Variants in RAB31 observed in about 807,000 individuals in gnomAD.
RAB31 encodes the protein RAB31, member RAS oncogene family.
In RAB31, 21 loss-of-function variants were observed where a neutral mutation model predicts 25.6. The observed-to-expected ratio is 0.82, with a 90% CI of 0.58 to 1.18. The LOEUF is 1.18. Among genes scored for constraint, RAB31 ranks in the 50% most tolerant of loss-of-function variants. The probability of loss-of-function intolerance (pLI) is 0.00; values close to 1 mark genes in which losing one functional copy is unlikely to be tolerated. For synonymous variants in RAB31, 87 were observed against 84.0 expected (o/e 1.04, Z -0.20); for missense variants, 196 against 250.1 (o/e 0.78, Z 1.46).
chr18:9,832,042 C>G (rs2068681093), intron 5 of RAB31, among the ~76,000 whole-genome samples: 1 of 152,220 alleles, frequency 6.6e-6, no homozygotes. Flanking sequence ...GGACAGAATC[C>G]TGGGACTAGT....
chr18:9,721,573 G>A (rs1252195733), intron 1 of RAB31, among the ~76,000 whole-genome samples: 1 of 151,180 alleles, frequency 6.6e-6, no homozygotes, highest in African/African-American at 2.4e-5. Context: ...CTGAGATTGC[G>A]CCACTGCACT....
At chr18:9,830,861 A>G (rs1185222021) in intron 5 of RAB31, among the ~76,000 whole-genome samples, 1 of 152,164 alleles carries the variant, frequency 6.6e-6, no homozygotes, top group African/African-American at 2.4e-5. Context: ...TCTTCAAATC[A>G]CTTGAAATGG....
In RAB31 at chr18:9,859,219, T is replaced by A; in HGVS notation, c.491-9T>A. The A allele has an allele frequency of 6.2e-7, 1 of 1,609,086 alleles. No individual in the cohort carries two copies. The highest frequency in any genetic ancestry group is 1.1e-5 in the South Asian group (1 of 90,944). ...AGGGAACTCACCCTTGGCCTCCTTTTTGTTGCAGGCCGCCAGATCCCACCC... is the reference window on the plus strand; with the variant it reads ...AGGGAACTCACCCTTGGCCTCCTTTATGTTGCAGGCCGCCAGATCCCACCC... On this transcript the variant is annotated splice_polypyrimidine_tract_variant and intron_variant, in intron 6 of 6. Coordinates refer to ENST00000578921, the MANE Select transcript of RAB31 (RefSeq NM_006868.4).
At chr18:9,764,394 G>A (rs1431931956) in intron 1 of RAB31, among the ~76,000 whole-genome samples, 5 of 152,228 alleles carry the variant, frequency 3.3e-5, no homozygotes, top group African/African-American at 1.2e-4. Context: ...CTGGAGAGAT[G>A]GTTTGGCTGG....
chr18:9,814,034 T>G lies in RAB31; in HGVS notation c.216T>G (p.Ala72=). The change falls in exon 4 of 7, where the codon GCT becomes GCG. Residue 72 remains alanine, a synonymous_variant. Coordinates refer to ENST00000578921, the MANE Select transcript of RAB31 (RefSeq NM_006868.4). The part of the protein sequence containing the change: ...TAGQERFHSL[A]PMYYRGSAAA... ...TTCTTAAACAGTTTCATTCATTGGCTCCCATGTACTATCGAGGCTCAGCTG... is the reference window on the plus strand; with the variant it reads ...TTCTTAAACAGTTTCATTCATTGGCGCCCATGTACTATCGAGGCTCAGCTG... The G allele has an allele frequency of 6.3e-7, 1 of 1,590,850 alleles. No homozygotes were observed. Among genetic ancestry groups the G allele is most frequent in the Non-Finnish European group, 8.6e-7 (1 of 1,164,912 alleles).
At chr18:9,809,194 A>G (rs977739996) in intron 3 of RAB31, among the ~76,000 whole-genome samples, 1 of 152,232 alleles carries the variant, frequency 6.6e-6, no homozygotes, top group Non-Finnish European at 1.5e-5. Flanking sequence ...GGGTTGTCAC[A>G]GAGCTGGAAA....
At chr18:9,807,710 A>C (rs759013724) in intron 3 of RAB31, among the ~76,000 whole-genome samples, 27 of 152,066 alleles carry the variant, frequency 1.8e-4, no homozygotes, top group Non-Finnish European at 3.1e-4. Flanking sequence ...GCAGTGGCTC[A>C]TGCCTTTAAT....
chr18:9,832,539 G>A (rs183732081), intron 5 of RAB31, among the ~76,000 whole-genome samples: 6 of 152,346 alleles, frequency 3.9e-5, no homozygotes, highest in Non-Finnish European at 7.3e-5. Context: ...CGAAGGAGGA[G>A]AAGAAGGAAA....
intron 1 of RAB31, among the ~76,000 whole-genome samples, chr18:9,725,737 A>G (rs1038866180): frequency 6.6e-6 from 1 of 152,246 alleles, no homozygotes; most frequent in African/African-American, 2.4e-5. Flanking sequence ...TGGAAGGAAA[A>G]CATGCAAATT....
Position 9,831,102 on chromosome 18 carries a change from A to G in RAB31, c.381-14480A>G, listed in dbSNP as rs115675296. Reference sequence around the variant, plus strand: ...TACGATACCTTTATCGTGAGTCTTGATAAACAGTCTGGACTTATGCTCTGG... The same window carrying G: ...TACGATACCTTTATCGTGAGTCTTGGTAAACAGTCTGGACTTATGCTCTGG... On this transcript the variant is annotated intron_variant, in intron 5 of 6. Transcript: ENST00000578921. Among the ~76,000 whole-genome samples the G allele has an allele frequency of 5.3e-3, 811 of 152,344 alleles. 5 individuals carry two copies. The highest frequency in any genetic ancestry group is 0.018 in the African/African-American group (761 of 41,568).
chr18:9,822,766 T>C lies in RAB31; in HGVS notation c.380+7544T>C, dbSNP rs545693596. Among the ~76,000 whole-genome samples, 5 of 152,274 alleles carry C rather than the reference T, an allele frequency of 3.3e-5. No individual in the cohort carries two copies. The South Asian group carries it at 1.0e-3, about 32-fold the overall frequency. ...AATAAAAATCAGCGACAACACCTAA[T>C]GCTGGTGAGGATATGGAAAAACTGA... On this transcript the variant is annotated intron_variant, in intron 5 of 6. Transcript: ENST00000578921.
chr18:9,827,943 G>T (rs1366361643), intron 5 of RAB31, among the ~76,000 whole-genome samples: 1 of 152,200 alleles, frequency 6.6e-6, no homozygotes, highest in Non-Finnish European at 1.5e-5. Flanking sequence ...CAGTTGGTCT[G>T]ATGCAGTCCA....
chr18:9,857,193 T>C (rs1023721011), intron 6 of RAB31, among the ~76,000 whole-genome samples: 10 of 152,190 alleles, frequency 6.6e-5, no homozygotes, highest in African/African-American at 2.4e-4. Context: ...ATCTCTACTA[T>C]TACTTTTGAG....
intron 1 of RAB31, among the ~76,000 whole-genome samples, chr18:9,739,404 A>G (rs1302092031): frequency 4.6e-5 from 7 of 152,216 alleles, no homozygotes; most frequent in Non-Finnish European, 5.9e-5. Flanking sequence ...CCTGGGAGGC[A>G]GAGCTTGCAG....
chr18:9,801,366 C>T (rs1300869637), intron 3 of RAB31, among the ~76,000 whole-genome samples: 1 of 151,254 alleles, frequency 6.6e-6, no homozygotes, highest in Non-Finnish European at 1.5e-5. Flanking sequence ...ACTGCATCCT[C>T]TGCCTCCTGC....
intron 3 of RAB31, among the ~76,000 whole-genome samples, chr18:9,798,043 A>G (rs1319129281): frequency 6.6e-6 from 1 of 152,272 alleles, no homozygotes; most frequent in African/African-American, 2.4e-5. Flanking sequence ...GGTTGTAGAC[A>G]TCTGACTCCA....
chr18:9,789,845 A>G (rs1432171860), intron 2 of RAB31, among the ~76,000 whole-genome samples: 2 of 152,218 alleles, frequency 1.3e-5, no homozygotes, highest in Non-Finnish European at 2.9e-5. Context: ...GTCACTTAGA[A>G]TACTTAGAAT....
intron 1 of RAB31, among the ~76,000 whole-genome samples, chr18:9,751,112 G>A (rs1034704098): frequency 7.2e-5 from 11 of 152,112 alleles, no homozygotes; most frequent in Admixed American, 2.0e-4. Context: ...ATAGCTCACT[G>A]CAACCTTGAA....
chr18:9,776,974 TATTTCAGATTTTGGA>T (rs576865000), intron 2 of RAB31, among the ~76,000 whole-genome samples: 46 of 152,312 alleles, frequency 3.0e-4, no homozygotes, highest in African/African-American at 1.0e-3. Flanking sequence ...CTCATTGGGA[TATTTCAGATTTTGGA>T]ATTTCAGCTT....
Sources: gnomAD v4.1 joint callset for allele counts (sites outside exome capture counted in the v4.1 genomes callset) on GRCh38, gnomAD v4.1.1 for gene constraint, MANE v1.5 for transcripts, NCBI Gene and HGNC (gene_info 2026-07-23, HGNC 2026-07-21) for gene names.